PREX1: variants seen among roughly 807,000 people sequenced by gnomAD.
PREX1 encodes the protein phosphatidylinositol 3,4,5-trisphosphate-dependent Rac exchanger 1 protein.
A neutral mutation model predicts 198.3 loss-of-function variants in PREX1; 41 were observed. That is an observed-to-expected ratio of 0.21 (90% CI 0.16 to 0.27). The LOEUF (loss-of-function observed/expected upper bound fraction) is 0.27. Ranked by LOEUF, PREX1 falls within the 10% of genes least tolerant of loss-of-function variation. PREX1 has a pLI of 1.00. For missense variants in PREX1, 1,620 were observed against 2,200.7 expected (o/e 0.74, Z 5.28); for synonymous variants, 843 against 887.2 (o/e 0.95, Z 0.89).
At chr20:48,887,877 G>A in the PREX1 span, among the ~76,000 whole-genome samples, 6 of 151,628 alleles carry the variant, frequency 4.0e-5, no homozygotes, top group East Asian at 1.9e-4. Flanking sequence ...GTAAACCCGG[G>A]AGGCGGAGCT....
At chr20:48,685,697 C>T (rs1489053456) in intron 10 of PREX1, among the ~76,000 whole-genome samples, 1 of 151,962 alleles carries the variant, frequency 6.6e-6, no homozygotes, top group South Asian at 2.1e-4. Context: ...GAAGCCAAGG[C>T]GAGAGCATTT....
At chr20:48,883,498 G>A in the PREX1 span, among the ~76,000 whole-genome samples, 1 of 152,010 alleles carries the variant, frequency 6.6e-6, no homozygotes, top group Non-Finnish European at 1.5e-5. Context: ...ATTATAAATG[G>A]CATGGAATCC....
At chr20:48,885,748 C>T in the PREX1 span, among the ~76,000 whole-genome samples, 11 of 151,920 alleles carry the variant, frequency 7.2e-5, no homozygotes, top group Non-Finnish European at 1.5e-4. Context: ...ACTATCAAGC[C>T]GTGGAAAGAC....
chr20:48,805,496 CG>C (rs143631620), intron 1 of PREX1, among the ~76,000 whole-genome samples: 1 of 152,188 alleles, frequency 6.6e-6, no homozygotes, highest in African/African-American at 2.4e-5. Flanking sequence ...ACCTGACACA[CG>C]GGGAGGGGCT....
rs151164457 is a variant in PREX1 at position 48,811,243 on chromosome 20, G to A, written c.219+16399C>T. Among the ~76,000 whole-genome samples the A allele has an allele frequency of 1.5e-3, 229 of 152,004 alleles. 1 individual carries two copies. The East Asian group carries it at 0.019, about 13-fold the overall frequency. ...TTTGCCAGGCTGGTCACGAACTCCC[G>A]ACCTCAGGTGATCCACCCACCTCAG... On this transcript the variant is annotated intron_variant, in intron 1 of 39. Coordinates refer to ENST00000371941, the MANE Select transcript of PREX1 (RefSeq NM_020820.4).
chr20:48,633,507 G>A (rs757765262), intron 33 of PREX1, among the ~76,000 whole-genome samples: 1 of 152,198 alleles, frequency 6.6e-6, no homozygotes, highest in Non-Finnish European at 1.5e-5. Context: ...CACTAATCCA[G>A]TGCCTGGTTC....
chr20:48,843,771 A>C, the PREX1 span, among the ~76,000 whole-genome samples: 2 of 152,144 alleles, frequency 1.3e-5, no homozygotes, highest in African/African-American at 4.8e-5. Flanking sequence ...GTGGGGATGC[A>C]GATGTGGATT....
intron 1 of PREX1, among the ~76,000 whole-genome samples, chr20:48,755,156 G>A (rs775633879): frequency 1.1e-4 from 17 of 152,192 alleles, no homozygotes; most frequent in Middle Eastern, 3.4e-3. Context: ...TTAATAACAC[G>A]GAAAAGGACT....
At chr20:48,852,280 T>C in the PREX1 span, among the ~76,000 whole-genome samples, 2 of 152,128 alleles carry the variant, frequency 1.3e-5, no homozygotes, top group African/African-American at 4.8e-5. Flanking sequence ...TCAAGCAGTA[T>C]ATAAAACACA....
chr20:48,708,817 G>A (rs1055029083), intron 5 of PREX1, among the ~76,000 whole-genome samples: 7 of 152,166 alleles, frequency 4.6e-5, no homozygotes, highest in Non-Finnish European at 1.0e-4. Context: ...ATGTAATGAG[G>A]AACAGAAAGG....
chr20:48,645,057 A>G (rs901318487), intron 26 of PREX1, among the ~76,000 whole-genome samples: 1 of 152,276 alleles, frequency 6.6e-6, no homozygotes, highest in African/African-American at 2.4e-5. Flanking sequence ...GACTATGGAC[A>G]TGAGGCTCTG....
intron 4 of PREX1, among the ~76,000 whole-genome samples, chr20:48,728,695 A>T (rs148422019): frequency 3.0e-4 from 46 of 152,288 alleles, no homozygotes; most frequent in African/African-American, 1.1e-3. Flanking sequence ...TGCTTTCTAG[A>T]AGCCCCCAGG....
intron 5 of PREX1, among the ~76,000 whole-genome samples, chr20:48,725,866 A>C (rs894605348): frequency 6.6e-6 from 1 of 152,236 alleles, no homozygotes; most frequent in Non-Finnish European, 1.5e-5. Context: ...CACGGGTCTA[A>C]GCTGACTGGA....
At chr20:48,811,025 C>T (rs2090431667) in intron 1 of PREX1, among the ~76,000 whole-genome samples, 1 of 152,166 alleles carries the variant, frequency 6.6e-6, no homozygotes, top group African/African-American at 2.4e-5. Flanking sequence ...AAGCCCTGTG[C>T]CCTGCAGAAG....
At chr20:48,837,831 TGAGA>T in the PREX1 span, among the ~76,000 whole-genome samples, 15 of 141,172 alleles carry the variant, frequency 1.1e-4, no homozygotes, top group East Asian at 2.0e-3. Context: ...AAAAGTTTAA[TGAGA>T]GAGAGAGAGA....
At chr20:48,689,043 G>C (rs763622844) in intron 9 of PREX1, among the ~76,000 whole-genome samples, 1 of 152,232 alleles carries the variant, frequency 6.6e-6, no homozygotes. Context: ...GACCCAGAGA[G>C]GTTAAGTCCT....
At chr20:48,859,900 C>T in the PREX1 span, among the ~76,000 whole-genome samples, 1 of 152,192 alleles carries the variant, frequency 6.6e-6, no homozygotes, top group African/African-American at 2.4e-5. Flanking sequence ...TGCTTGTAAT[C>T]CCAGCTACTT....
At chr20:48,811,184 T>TCA (rs2090432293) in intron 1 of PREX1, among the ~76,000 whole-genome samples, 4 of 149,178 alleles carry the variant, frequency 2.7e-5, no homozygotes, top group Non-Finnish European at 4.5e-5. Flanking sequence ...AACAATTTTT[T>TCA]TTTTATTATT....
chr20:48,741,460 A>G (rs146283746), intron 3 of PREX1, among the ~76,000 whole-genome samples: 1 of 152,112 alleles, frequency 6.6e-6, no homozygotes, highest in African/African-American at 2.4e-5. Flanking sequence ...CTTGGGCTCA[A>G]GCAATCCTCC....
Sources: gnomAD v4.1 joint callset for allele counts (sites outside exome capture counted in the v4.1 genomes callset) on GRCh38, gnomAD v4.1.1 for gene constraint, MANE v1.5 for transcripts, NCBI Gene and HGNC (gene_info 2026-07-23, HGNC 2026-07-21) for gene names.